Variants in WWP2 observed in about 807,000 individuals in gnomAD.
WWP2 encodes the protein WW domain containing E3 ubiquitin protein ligase 2.
In WWP2, 57 loss-of-function variants were observed where a neutral mutation model predicts 121.0. The observed-to-expected ratio is 0.47, with a 90% CI of 0.38 to 0.59. WWP2 has a LOEUF of 0.59. WWP2 is among the 20% of genes least tolerant of loss of function. The pLI is 0.00. For missense variants in WWP2, 962 were observed against 1,158.9 expected (o/e 0.83, Z 2.47); for synonymous variants, 449 against 441.3 (o/e 1.02, Z -0.22).
At chr16:69,796,242 G>C (rs1235621346) in intron 2 of WWP2, among the ~76,000 whole-genome samples, 1 of 152,194 alleles carries the variant, frequency 6.6e-6, no homozygotes, top group African/African-American at 2.4e-5. Flanking sequence ...AGGAAAAAGT[G>C]TGTATGTGTA....
chr16:69,935,742 A>G lies in WWP2; in HGVS notation c.1843-111A>G. On this transcript the variant is annotated intron_variant, in intron 17 of 23. Transcript: ENST00000359154. The surrounding 1 kb of genome is among the most constrained non-coding windows in gnomAD (Gnocchi z 5.2). ...AGGCAGCTGCTGCTGTAGTTCTGTC[A>G]GGGAAGGAAGGCGGGTAGCGGTAGC... The G allele has an allele frequency of 6.8e-7, 1 of 1,477,734 alleles. No homozygotes were observed. The highest frequency in any genetic ancestry group is 9.1e-7 in the Non-Finnish European group (1 of 1,101,356). The allele number at this position is 1,477,734 out of a possible 1,614,324, so 91.5% of individuals were successfully genotyped here. A position where few individuals can be genotyped will look rare whatever the true frequency, so the allele number is the denominator to read the frequency against.
chr16:69,869,792 A>G (rs1348671645), intron 6 of WWP2, among the ~76,000 whole-genome samples: 3 of 152,106 alleles, frequency 2.0e-5, no homozygotes, highest in Admixed American at 2.0e-4. Context: ...ATCTTGTCAA[A>G]TTCTGTTTCT....
Position 69,931,842 on chromosome 16 carries a change from A to T in WWP2, c.1634A>T (p.Tyr545Phe). The T allele has an allele frequency of 6.2e-7, 1 of 1,613,782 alleles. No individual in the cohort carries two copies. Among genetic ancestry groups the T allele is most frequent in the Non-Finnish European group, 8.5e-7 (1 of 1,180,012 alleles). The change falls in exon 16 of 24, where the codon TAC becomes TTC. Residue 545 changes from tyrosine (Y) to phenylalanine (F), a missense_variant. Physicochemically the swap from Tyr to Phe is conservative, Grantham distance 22. Around this residue, in one of 3 missense-constraint regions of WWP2, gnomAD observed 606 missense variants for 772.6 expected, o/e 0.78. Coordinates refer to ENST00000359154, the MANE Select transcript of WWP2 (RefSeq NM_001270454.2). ...CCCTATGACCTGCGCCGCCGGCTCT[A>T]CATCATCATGCGTGGCGAGGAGGGC... ...MKPYDLRRRL[Y>F]IIMRGEEGLD... is the part of the protein sequence containing the mutation.
intron 7 of WWP2, among the ~76,000 whole-genome samples, chr16:69,874,051 A>G (rs1177477618): frequency 6.6e-6 from 1 of 152,068 alleles, no homozygotes; most frequent in Admixed American, 6.6e-5. Context: ...GAAGTGTTTC[A>G]TGGTGGTGTC....
chr16:69,803,916 ATAAAG>A (rs775233863), intron 4 of WWP2, among the ~76,000 whole-genome samples: 9 of 152,218 alleles, frequency 5.9e-5, no homozygotes, highest in Admixed American at 3.3e-4. Context: ...TCAAAAAAAA[ATAAAG>A]TAAAGGAATA....
At chr16:69,763,586 T>C (rs1253142982) in intron 1 of WWP2, among the ~76,000 whole-genome samples, 2 of 152,250 alleles carry the variant, frequency 1.3e-5, no homozygotes. Context: ...AAATTAGTTT[T>C]TGCAGCAGCG....
chr16:69,795,100 G>T (rs1479763651), intron 2 of WWP2, among the ~76,000 whole-genome samples: 3 of 152,160 alleles, frequency 2.0e-5, no homozygotes, highest in Non-Finnish European at 4.4e-5. Context: ...GCCAGGCGTG[G>T]TGTTGCGCAC....
intron 4 of WWP2, among the ~76,000 whole-genome samples, chr16:69,818,274 C>A (rs538980548): frequency 6.6e-6 from 1 of 151,928 alleles, no homozygotes; most frequent in Non-Finnish European, 1.5e-5. Flanking sequence ...GTGGTGTGAT[C>A]TTGGCTCACT....
In WWP2 at chr16:69,786,249, A is replaced by G. The variant is rs533547703; in HGVS notation, c.-15-747A>G. 6 of 150,634 alleles carry G rather than the reference A, an allele frequency of 4.0e-5. No homozygotes were observed. The East Asian group carries it at 7.9e-4, about 20-fold the overall frequency. 9.3% of individuals were successfully genotyped at this position (150,634 alleles called of 1,614,324 possible). A position where few individuals can be genotyped will look rare whatever the true frequency, so the allele number is the denominator to read the frequency against. ...ACCCTCCACCTCCCGGGTTCAAGCA[A>G]TTCTCTGCCTCACCCTCCTGAGTAG... On this transcript the variant is annotated intron_variant, in intron 1 of 23. Transcript: ENST00000359154.
intron 4 of WWP2, among the ~76,000 whole-genome samples, chr16:69,835,697 CT>C (rs1488541381): frequency 1.3e-5 from 2 of 152,144 alleles, no homozygotes; most frequent in Non-Finnish European, 2.9e-5. Context: ...ATCCCCAAAA[CT>C]TCACCCTATT....
At chr16:69,908,935 G>T in intron 9 of WWP2, 85 bp downstream of exon 9, 1 of 1,602,698 alleles carries the variant, frequency 6.2e-7, no homozygotes, top group South Asian at 1.1e-5. Context: ...CCCTTTCTGC[G>T]GAGGTAGCAT....
intron 9 of WWP2, among the ~76,000 whole-genome samples, chr16:69,914,548 A>G (rs1029735773): frequency 6.6e-6 from 1 of 152,102 alleles, no homozygotes; most frequent in South Asian, 2.1e-4. Context: ...GTTTGAGTCC[A>G]GGAGTTCAAG....
chr16:69,819,310 C>G (rs1307146257), intron 4 of WWP2, among the ~76,000 whole-genome samples: 6 of 152,166 alleles, frequency 3.9e-5, no homozygotes, highest in African/African-American at 4.8e-5. Context: ...CCATAAAAAC[C>G]AAAGTCATTC....
chr16:69,805,614 G>A, intron 4 of WWP2, among the ~76,000 whole-genome samples: 1 of 151,380 alleles, frequency 6.6e-6, no homozygotes, highest in East Asian at 1.9e-4. Flanking sequence ...CAGGAAGGAT[G>A]TTGAGTTTTT....
intron 6 of WWP2, 39 bp from the exon 7 acceptor site, chr16:69,871,765 G>A: frequency 6.2e-7 from 1 of 1,610,014 alleles, no homozygotes. Flanking sequence ...CCTTTTCACA[G>A]TGACTTATGT....
At chr16:69,791,766 CA>C (rs1193767747) in intron 2 of WWP2, among the ~76,000 whole-genome samples, 1 of 152,058 alleles carries the variant, frequency 6.6e-6, no homozygotes, top group Non-Finnish European at 1.5e-5. Context: ...GCAGTTCTCC[CA>C]CCTTGGCCTC....
chr16:69,815,601 T>C (rs1444271476), intron 4 of WWP2, among the ~76,000 whole-genome samples: 2 of 151,060 alleles, frequency 1.3e-5, no homozygotes, highest in African/African-American at 4.9e-5. Context: ...GCGTGGCCAA[T>C]GTGGTGAAAC....
Position 69,878,978 on chromosome 16 carries a change from G to T in WWP2, c.703+7047G>T, listed in dbSNP as rs142308153. Among the ~76,000 whole-genome samples, 62 of 152,232 alleles carry T rather than the reference G, an allele frequency of 4.1e-4. 1 individual carries two copies. Among genetic ancestry groups the T allele is most frequent in the African/African-American group, 1.5e-3 (62 of 41,538 alleles). ...GTATATGAGGTTTATTTTTTCTGCA[G>T]CCTTGTAAATATCGGTTTATAATTT... On this transcript the variant is annotated intron_variant, in intron 7 of 23. Coordinates refer to ENST00000359154, the MANE Select transcript of WWP2 (RefSeq NM_001270454.2).
chr16:69,887,943 A>G, intron 7 of WWP2, 96 bp from the exon 8 acceptor site: 1 of 1,437,038 alleles, frequency 7.0e-7, no homozygotes, highest in Non-Finnish European at 9.6e-7. Context: ...GTAACATTGT[A>G]GATACCATGT....
Sources: gnomAD v4.1 joint callset for allele counts (sites outside exome capture counted in the v4.1 genomes callset) on GRCh38, gnomAD v4.1.1 for gene constraint, gnomAD v4.1.1 regional missense constraint, Gnocchi (gnomAD v3.1) non-coding constraint, MANE v1.5 for transcripts, NCBI Gene and HGNC (gene_info 2026-07-23, HGNC 2026-07-21) for gene names.